The following UNC5C variants were observed in gnomAD, a reference collection of about 807,000 sequenced individuals.
UNC5C encodes netrin receptor UNC5C.
A neutral mutation model predicts 99.8 loss-of-function variants in UNC5C; 47 were observed. The observed-to-expected ratio is 0.47, with a 90% CI of 0.37 to 0.60. UNC5C has a LOEUF of 0.60. UNC5C is among the 20% of genes least tolerant of loss of function. The probability of loss-of-function intolerance (pLI) is 0.00; values close to 1 mark genes in which losing one functional copy is unlikely to be tolerated. For missense variants in UNC5C, 1,062 were observed against 1,165.9 expected, an observed-to-expected ratio of 0.91 and a Z score of 1.30; for synonymous variants, 487 against 452.2, an observed-to-expected ratio of 1.08 and a Z score of -0.98.
In UNC5C at chr4:95,250,616, A is replaced by C. The variant is rs1739665362; in HGVS notation, c.646T>G (p.Phe216Val). The C allele has an allele frequency of 6.2e-7, 1 of 1,613,944 alleles. No homozygotes were observed. The highest frequency in any genetic ancestry group is 1.3e-5 in the African/African-American group (1 of 74,892). Residue 216 changes from phenylalanine to valine, a missense_variant, in exon 5 of 16, where the codon TTT becomes GTT. Phe to Val is a conservative substitution (Grantham distance 50). This residue lies in a region of UNC5C where 249 missense variants were observed against 295.1 expected (regional missense o/e 0.84). Coordinates refer to ENST00000453304, the MANE Select transcript of UNC5C (RefSeq NM_003728.4). Reference sequence around the variant, plus strand: ...AGGTTGTGATCAATAGTAATATAAAAATTCCGATCTTCAACGGGATCAATT... The same window carrying C: ...AGGTTGTGATCAATAGTAATATAAACATTCCGATCTTCAACGGGATCAATT... ...DIIDPVEDRN[F>V]YITIDHNLII...
At chr4:95,209,488 A>G (rs1560733881) in intron 10 of UNC5C, among the ~76,000 whole-genome samples, 1 of 152,274 alleles carries the variant, frequency 6.6e-6, no homozygotes, top group East Asian at 1.9e-4. Flanking sequence ...CTTTCTTCCT[A>G]TTTAGAAAAC....
intron 1 of UNC5C, among the ~76,000 whole-genome samples, chr4:95,467,236 C>A (rs1232563485): frequency 6.6e-6 from 1 of 152,134 alleles, no homozygotes; most frequent in Non-Finnish European, 1.5e-5. Context: ...GTTGAAATGA[C>A]CAATGTTTTT....
intron 10 of UNC5C, among the ~76,000 whole-genome samples, chr4:95,208,986 G>A (rs1301455227): frequency 6.6e-6 from 1 of 152,156 alleles, no homozygotes; most frequent in Non-Finnish European, 1.5e-5. Context: ...GATTTCTCAT[G>A]TTTATGCATG....
chr4:95,354,479 A>ATATATATATATATTTT, intron 1 of UNC5C, among the ~76,000 whole-genome samples: 23 of 110,340 alleles, frequency 2.1e-4, no homozygotes, highest in Non-Finnish European at 3.6e-4. Context: ...ATATATATAT[A>ATATATATATATATTTT]TTTTTTTTTT....
At chr4:95,461,769 G>T (rs945943748) in intron 1 of UNC5C, among the ~76,000 whole-genome samples, 1 of 152,184 alleles carries the variant, frequency 6.6e-6, no homozygotes, top group African/African-American at 2.4e-5. Flanking sequence ...GAACCTGGTA[G>T]CAAGCAGGAA....
chr4:95,298,727 A>C (rs777492738), intron 3 of UNC5C, among the ~76,000 whole-genome samples: 1 of 152,172 alleles, frequency 6.6e-6, no homozygotes, highest in Non-Finnish European at 1.5e-5. Flanking sequence ...CCTCACCACA[A>C]CATGAGCTCC....
intron 1 of UNC5C, among the ~76,000 whole-genome samples, chr4:95,469,260 G>C (rs1747891785): frequency 6.6e-6 from 1 of 152,118 alleles, no homozygotes; most frequent in Non-Finnish European, 1.5e-5. Flanking sequence ...TCTGGACACT[G>C]TTGCCACCTG....
At chr4:95,345,138 T>C (rs1276666564) in intron 1 of UNC5C, among the ~76,000 whole-genome samples, 2 of 151,532 alleles carry the variant, frequency 1.3e-5, no homozygotes, top group African/African-American at 2.4e-5. Flanking sequence ...AAGGAACACA[T>C]AGACTGAAAA....
intron 1 of UNC5C, among the ~76,000 whole-genome samples, chr4:95,474,020 C>G (rs572179503): frequency 1.3e-5 from 2 of 152,232 alleles, no homozygotes; most frequent in East Asian, 3.9e-4. Flanking sequence ...AGTGATATTT[C>G]ATATAATCAA....
At chr4:95,255,812 C>G (rs1739957619) in intron 4 of UNC5C, among the ~76,000 whole-genome samples, 1 of 151,996 alleles carries the variant, frequency 6.6e-6, no homozygotes, top group Admixed American at 6.6e-5. Context: ...CTCTACTCAC[C>G]CCCCGCCCAC....
rs768098742 is a variant in UNC5C, at chr4:95,278,369, C to G, written c.491-7G>C. The G allele has an allele frequency of 6.2e-7, 1 of 1,608,472 alleles. No homozygotes were observed. Among genetic ancestry groups the G allele is most frequent in the South Asian group, 1.1e-5 (1 of 90,974 alleles). On this transcript the variant is annotated splice_polypyrimidine_tract_variant and splice_region_variant and intron_variant, in intron 3 of 15. Coordinates refer to ENST00000453304, the MANE Select transcript of UNC5C (RefSeq NM_003728.4). ...TCAAATGTCTTCCGTAGATCTGGAACGTAAAAGTGACAAAATACATGTCAA... is the reference window on the plus strand; with the variant it reads ...TCAAATGTCTTCCGTAGATCTGGAAGGTAAAAGTGACAAAATACATGTCAA...
chr4:95,464,909 T>C (rs1256144819), intron 1 of UNC5C, among the ~76,000 whole-genome samples: 1 of 152,182 alleles, frequency 6.6e-6, no homozygotes, highest in Non-Finnish European at 1.5e-5. Flanking sequence ...CATTTTCACT[T>C]TGGGCTAAAT....
Position 95,286,332 on chromosome 4 carries a change from A to T in UNC5C, c.491-7970T>A, listed in dbSNP as rs1364947727. 2.0e-5 allele frequency among the ~76,000 whole-genome samples: 3 copies of T among 152,190 alleles called. No homozygotes were observed. In the East Asian group the frequency reaches 5.8e-4, roughly 29 times the overall value. ...TCCACACTCAGGTTGGGCCCTGGGAATCTACAGTTTTAACAAACTCCACAG... is the reference window on the plus strand; with the variant it reads ...TCCACACTCAGGTTGGGCCCTGGGATTCTACAGTTTTAACAAACTCCACAG... On this transcript the variant is annotated intron_variant, in intron 3 of 15. Coordinates refer to ENST00000453304, the MANE Select transcript of UNC5C (RefSeq NM_003728.4).
At position 95,403,959 on chromosome 4, in the gene UNC5C, C is replaced by G. The variant is rs73838209; in HGVS notation, c.125-68328G>C. Reference sequence around the variant, plus strand: ...CCTCCTGTGTGGTGAGTACATTAGACATACATAACACAATAATTAAATTGA... The same window carrying G: ...CCTCCTGTGTGGTGAGTACATTAGAGATACATAACACAATAATTAAATTGA... On this transcript the variant is annotated intron_variant, in intron 1 of 15. Coordinates refer to ENST00000453304, the MANE Select transcript of UNC5C (RefSeq NM_003728.4). Among the ~76,000 whole-genome samples the G allele has an allele frequency of 1.4e-3, 216 of 152,274 alleles. 1 individual carries two copies. Among genetic ancestry groups the G allele is most frequent in the African/African-American group, 5.1e-3 (210 of 41,554 alleles).
chr4:95,458,436 T>C (rs1303941837), intron 1 of UNC5C, among the ~76,000 whole-genome samples: 2 of 152,086 alleles, frequency 1.3e-5, no homozygotes, highest in Non-Finnish European at 2.9e-5. Context: ...TCTTTCTTTT[T>C]TCATGGAGCT....
At chr4:95,362,718 T>A (rs1744431638) in intron 1 of UNC5C, among the ~76,000 whole-genome samples, 1 of 152,162 alleles carries the variant, frequency 6.6e-6, no homozygotes, top group Non-Finnish European at 1.5e-5. Flanking sequence ...TTCTTACTTG[T>A]TAAAACACAA....
At chr4:95,195,948 T>C (rs1228248613) in intron 12 of UNC5C, among the ~76,000 whole-genome samples, 1 of 151,860 alleles carries the variant, frequency 6.6e-6, no homozygotes, top group Non-Finnish European at 1.5e-5. Flanking sequence ...ATTTGATTTA[T>C]ATCACAAATA....
chr4:95,372,851 T>G (rs577045762), intron 1 of UNC5C, among the ~76,000 whole-genome samples: 36 of 152,054 alleles, frequency 2.4e-4, no homozygotes, highest in Non-Finnish European at 4.6e-4. Flanking sequence ...ACAAAAGAGT[T>G]CAGTTTAGAT....
At chr4:95,488,559 T>A (rs1721390360) in intron 1 of UNC5C, among the ~76,000 whole-genome samples, 1 of 151,622 alleles carries the variant, frequency 6.6e-6, no homozygotes, top group South Asian at 2.1e-4. Context: ...TATCTGTAAT[T>A]TCTTAAGAAC....
Sources: gnomAD v4.1 joint callset for allele counts (sites outside exome capture counted in the v4.1 genomes callset) on GRCh38, gnomAD v4.1.1 for gene constraint, gnomAD v4.1.1 regional missense constraint, MANE v1.5 for transcripts, NCBI Gene and HGNC (gene_info 2026-07-23, HGNC 2026-07-21) for gene names.